NTM: variants seen among roughly 807,000 people sequenced by gnomAD.
The protein encoded by NTM is IgLON family member 2.
In NTM, 13 loss-of-function variants were observed where a neutral mutation model predicts 42.1. The observed-to-expected ratio is 0.31, with a 90% CI of 0.20 to 0.49. The LOEUF (loss-of-function observed/expected upper bound fraction) is 0.49, where lower values mean the gene tolerates loss of function less well. Among genes scored for constraint, NTM ranks in the 20% least tolerant of loss-of-function variants. The probability of loss-of-function intolerance (pLI) is 0.99; values close to 1 mark genes in which losing one functional copy is unlikely to be tolerated. For synonymous variants in NTM, 187 were observed against 179.2 expected (o/e 1.04, Z -0.35); for missense variants, 373 against 452.8 (o/e 0.82, Z 1.60).
intron 4 of NTM, among the ~76,000 whole-genome samples, chr11:132,291,487 T>C (rs1015244959): frequency 1.3e-5 from 2 of 152,196 alleles, no homozygotes; most frequent in Non-Finnish European, 2.9e-5. Flanking sequence ...GACTTCCATG[T>C]GACCATGGAA....
At chr11:132,033,293 A>G (rs1450362982) in intron 2 of NTM, among the ~76,000 whole-genome samples, 1 of 152,216 alleles carries the variant, frequency 6.6e-6, no homozygotes, top group Non-Finnish European at 1.5e-5. Flanking sequence ...TATTTTTGTC[A>G]TGCACCAAAT....
chr11:131,622,224 T>G (rs2062651102), intron 1 of NTM, among the ~76,000 whole-genome samples: 2 of 152,328 alleles, frequency 1.3e-5, no homozygotes, highest in South Asian at 2.1e-4. Flanking sequence ...TTTCATCTAT[T>G]AAATATAATG....
At chr11:132,013,708 T>G (rs2135445510) in intron 2 of NTM, among the ~76,000 whole-genome samples, 1 of 152,274 alleles carries the variant, frequency 6.6e-6, no homozygotes, top group East Asian at 1.9e-4. Flanking sequence ...ACCATAAAAT[T>G]TATCCACTTT....
chr11:132,317,671 G>A (rs956888511), intron 7 of NTM: 15 of 1,303,522 alleles, frequency 1.2e-5, no homozygotes, highest in South Asian at 2.5e-5. Flanking sequence ...ATGAGCCTAC[G>A]AGCTCAACTT....
chr11:131,685,216 G>A (rs144721384), intron 1 of NTM, among the ~76,000 whole-genome samples: 1 of 152,280 alleles, frequency 6.6e-6, no homozygotes, highest in East Asian at 1.9e-4. Flanking sequence ...AATCAGCTTG[G>A]GGGGCAGCTA....
intron 1 of NTM, among the ~76,000 whole-genome samples, chr11:131,754,140 G>C (rs1452439063): frequency 9.0e-6 from 1 of 110,614 alleles, no homozygotes; most frequent in African/African-American, 3.3e-5. Flanking sequence ...TGTGGGGTGG[G>C]GGGAGGGGGA....
At chr11:132,005,914 C>A (rs1490882609) in intron 2 of NTM, among the ~76,000 whole-genome samples, 1 of 152,144 alleles carries the variant, frequency 6.6e-6, no homozygotes, top group Non-Finnish European at 1.5e-5. Context: ...ACAACAATAA[C>A]CTAGGTTTTG....
At chr11:131,986,461 C>T (rs1476806573) in intron 2 of NTM, among the ~76,000 whole-genome samples, 1 of 152,190 alleles carries the variant, frequency 6.6e-6, no homozygotes, top group Non-Finnish European at 1.5e-5. Flanking sequence ...TTGACTATCA[C>T]GTTTGCTTCT....
At chr11:132,109,329 G>A (rs1021056493) in intron 2 of NTM, among the ~76,000 whole-genome samples, 6 of 152,082 alleles carry the variant, frequency 3.9e-5, no homozygotes, top group African/African-American at 1.4e-4. Context: ...CAGTGTAAAA[G>A]CATTCCCATT....
chr11:131,759,494 C>A (rs1484105837), intron 1 of NTM, among the ~76,000 whole-genome samples: 1 of 152,122 alleles, frequency 6.6e-6, no homozygotes, highest in Non-Finnish European at 1.5e-5. Flanking sequence ...CTCTCTCTTT[C>A]CTTACCTCTT....
At chr11:132,165,123 C>G (rs1361162856) in intron 3 of NTM, among the ~76,000 whole-genome samples, 1 of 152,174 alleles carries the variant, frequency 6.6e-6, no homozygotes, top group Non-Finnish European at 1.5e-5. Context: ...TTATATCCAA[C>G]ACCGGCAAAG....
At chr11:132,314,471 A>G in intron 6 of NTM, 81 bp from the exon 7 acceptor site, 1 of 1,461,414 alleles carries the variant, frequency 6.8e-7, no homozygotes, top group Non-Finnish European at 9.1e-7. Flanking sequence ...GGAGAAGACC[A>G]GGAATCCCTG....
intron 1 of NTM, among the ~76,000 whole-genome samples, chr11:131,493,641 A>G (rs1456739872): frequency 6.6e-6 from 1 of 152,220 alleles, no homozygotes; most frequent in Admixed American, 6.5e-5. Flanking sequence ...CCACTCTGCA[A>G]GTTAGATACT....
intron 3 of NTM, among the ~76,000 whole-genome samples, chr11:132,169,320 C>CTTTTTTTCTTT (rs2075778427): frequency 3.1e-5 from 1 of 32,358 alleles, no homozygotes; most frequent in Non-Finnish European, 5.4e-5. Flanking sequence ...AATTTTTTTA[C>CTTTTTTTCTTT]TTTTTTTTTT....
At chr11:131,626,246 TGA>T (rs1432083381) in intron 1 of NTM, among the ~76,000 whole-genome samples, 1 of 152,228 alleles carries the variant, frequency 6.6e-6, no homozygotes, top group Non-Finnish European at 1.5e-5. Flanking sequence ...TTAAGTGTAC[TGA>T]GACACTTCTT....
At chr11:131,584,503 G>A (rs2058685879) in intron 1 of NTM, among the ~76,000 whole-genome samples, 1 of 152,114 alleles carries the variant, frequency 6.6e-6, no homozygotes, top group Non-Finnish European at 1.5e-5. Context: ...GGTTCAAGCC[G>A]GGACTATATG....
chr11:131,631,817 T>A (rs1340875372), intron 1 of NTM, among the ~76,000 whole-genome samples: 3 of 152,244 alleles, frequency 2.0e-5, no homozygotes, highest in Admixed American at 6.5e-5. Context: ...CCGTAATGTT[T>A]TGGGATGACA....
At chr11:131,942,364 A>C (rs1359824931) in intron 2 of NTM, among the ~76,000 whole-genome samples, 1 of 152,186 alleles carries the variant, frequency 6.6e-6, no homozygotes, top group Admixed American at 6.5e-5. Context: ...CCTGTGATCC[A>C]TATTGCAGTC....
intron 1 of NTM, among the ~76,000 whole-genome samples, chr11:131,461,863 G>A (rs1370495453): frequency 2.0e-5 from 3 of 152,106 alleles, no homozygotes; most frequent in African/African-American, 4.8e-5. Context: ...AAAGAGAGAT[G>A]TGGGAGATAC....
Sources: gnomAD v4.1 joint callset for allele counts (sites outside exome capture counted in the v4.1 genomes callset) on GRCh38, gnomAD v4.1.1 for gene constraint, MANE v1.5 for transcripts, NCBI Gene and HGNC (gene_info 2026-07-23, HGNC 2026-07-21) for gene names.